DST: variants seen among roughly 807,000 people sequenced by gnomAD.
The protein encoded by DST is bullous pemphigoid antigen.
In DST, 253 loss-of-function variants were observed where a neutral mutation model predicts 875.2. That is an observed-to-expected ratio of 0.29 (90% CI 0.26 to 0.32). The LOEUF (loss-of-function observed/expected upper bound fraction) is 0.32. DST is among the 10% of genes least tolerant of loss of function. The pLI, the probability that DST is intolerant of heterozygous loss-of-function variation, is 1.00. For synonymous variants in DST, 3,124 were observed against 3,197.1 expected, an observed-to-expected ratio of 0.98 and a Z score of 0.77; for missense variants, 8,287 against 9,111.6, an observed-to-expected ratio of 0.91 and a Z score of 3.68.
rs1055863442 is a variant in DST, at chr6:56,669,287, CA to C, written c.1214+1353del. Among the ~76,000 whole-genome samples the C allele has an allele frequency of 8.3e-3, 573 of 69,374 alleles. 1 individual carries two copies. The highest frequency in any genetic ancestry group is 0.052 in the South Asian group (109 of 2,110). The allele number at this position is 69,374 out of a possible 152,430, so 45.5% of individuals were successfully genotyped here. A position where few individuals can be genotyped will look rare whatever the true frequency, so the allele number is the denominator to read the frequency against. ...CAACCTGACATAATATTTGTAAAAC[CA>C]AAAAAAAAAAAAAAAAAACTGAGGT... On this transcript the variant is annotated intron_variant, in intron 10 of 103. Coordinates refer to ENST00000680361, the MANE Select transcript of DST (RefSeq NM_001374736.1).
chr6:56,476,429 G>A, intron 91 of DST, 92 bp from the exon 92 acceptor site: 1 of 1,167,570 alleles, frequency 8.6e-7, no homozygotes, highest in Non-Finnish European at 1.2e-6. Context: ...ATGAAAATTA[G>A]GATCATCCTG....
chr6:56,886,880 T>C (rs1422222454), intron 3 of DST, among the ~76,000 whole-genome samples: 1 of 152,058 alleles, frequency 6.6e-6, no homozygotes, highest in Non-Finnish European at 1.5e-5. Flanking sequence ...TTTCCATAGA[T>C]TGATTTTTTT....
rs746310021 is a variant in DST at position 56,463,137 on chromosome 6, C to T, written c.22979G>A (p.Arg7660His). The change falls in exon 102 of 104, where the codon CGC becomes CAC. Residue 7660 changes from arginine to histidine, a missense_variant. By Grantham distance (29) the Arg-to-His change is conservative (BLOSUM62 0). Coordinates refer to ENST00000680361, the MANE Select transcript of DST (RefSeq NM_001374736.1). ...TTPKILHPLTRNYGKPWLTNS... is the reference protein window; with the variant it reads ...TTPKILHPLTHNYGKPWLTNS... ...TGTCAACCATGGTTTACCATAATTG[C>T]GTGTTAAAGGATGGAGAATCTGTAT... 11 of 1,610,642 alleles carry T rather than the reference C, an allele frequency of 6.8e-6. No homozygotes were observed. Among genetic ancestry groups the T allele is most frequent in the Middle Eastern group, 1.6e-4 (1 of 6,082 alleles).
At chr6:56,500,174 T>C (rs1367210281) in intron 80 of DST, among the ~76,000 whole-genome samples, 5 of 152,154 alleles carry the variant, frequency 3.3e-5, no homozygotes, top group African/African-American at 4.8e-5. Flanking sequence ...AATCAATATG[T>C]AAAATAATCA....
At chr6:56,595,169 C>T (rs2098350222) in intron 47 of DST, among the ~76,000 whole-genome samples, 1 of 152,160 alleles carries the variant, frequency 6.6e-6, no homozygotes, top group South Asian at 2.1e-4. Flanking sequence ...TCCCATTACC[C>T]CAGAGCCCCT....
intron 46 of DST, 133 bp downstream of exon 46, chr6:56,598,343 A>G (rs1282484283): frequency 1.7e-6 from 1 of 584,860 alleles, no homozygotes; most frequent in East Asian, 3.1e-5. Flanking sequence ...TCAATTATGT[A>G]CCTGGAAACC....
At chr6:56,748,688 CTCT>C (rs1325403757) in intron 4 of DST, among the ~76,000 whole-genome samples, 1 of 152,164 alleles carries the variant, frequency 6.6e-6, no homozygotes, top group African/African-American at 2.4e-5. Flanking sequence ...GATCATCATC[CTCT>C]TCTTATTGAT....
At chr6:56,905,089 A>G (rs189814690) in intron 2 of DST, among the ~76,000 whole-genome samples, 1 of 152,308 alleles carries the variant, frequency 6.6e-6, no homozygotes, top group Non-Finnish European at 1.5e-5. Context: ...TGCCCGGCCA[A>G]TAAGAGTTAC....
Position 56,954,398 on chromosome 6 carries a change from G to T in DST, c.181+9C>A, listed in dbSNP as rs367760336. The T allele has an allele frequency of 1.5e-4, 207 of 1,364,374 alleles. No homozygotes were observed. The highest frequency in any genetic ancestry group is 2.1e-4 in the Middle Eastern group (1 of 4,750). 84.5% of individuals were successfully genotyped at this position (1,364,374 alleles called of 1,614,324 possible). A position where few individuals can be genotyped will look rare whatever the true frequency, so the allele number is the denominator to read the frequency against. ...GTAGCCCGCAGAAACCCGTCGCGGC[G>T]TGTCTTACCTCGGCTTCTTGAACGA... On this transcript the variant is annotated intron_variant, in intron 1 of 103. Coordinates refer to ENST00000680361, the MANE Select transcript of DST (RefSeq NM_001374736.1).
At chr6:56,650,181 T>G (rs1365754625) in intron 12 of DST, among the ~76,000 whole-genome samples, 1 of 151,882 alleles carries the variant, frequency 6.6e-6, no homozygotes, top group Admixed American at 6.6e-5. Context: ...AGCTCCTAAA[T>G]CTTCAAAGTA....
chr6:56,738,158 AG>A (rs2099532928), intron 4 of DST, among the ~76,000 whole-genome samples: 1 of 152,202 alleles, frequency 6.6e-6, no homozygotes, highest in Non-Finnish European at 1.5e-5. Context: ...GAGAAAAAAA[AG>A]GTACTTATAT....
intron 36 of DST, chr6:56,614,882 T>C (rs2098597312): frequency 1.0e-6 from 1 of 993,698 alleles, no homozygotes; most frequent in Middle Eastern, 5.2e-4. Context: ...CTACTGTACA[T>C]GTAAGGAAAA....
intron 29 of DST, among the ~76,000 whole-genome samples, chr6:56,631,677 G>A (rs768129709): frequency 4.6e-5 from 7 of 152,100 alleles, no homozygotes; most frequent in Non-Finnish European, 8.8e-5. Flanking sequence ...CAATGAAGGT[G>A]AGCGTGTACA....
chr6:56,574,106 T>A (rs2097824627), intron 50 of DST, among the ~76,000 whole-genome samples: 2 of 152,196 alleles, frequency 1.3e-5, no homozygotes, highest in African/African-American at 2.4e-5. Context: ...AATCTTTTTT[T>A]AAAAGTTAAT....
intron 61 of DST, chr6:56,542,522 AACGAAGAGCTCC>A (rs1402531491): frequency 2.0e-5 from 3 of 151,922 alleles, no homozygotes; most frequent in African/African-American, 7.3e-5. Context: ...CAATTGCAGC[AACGAAGAGCTCC>A]GCGGCTTCCT....
intron 43 of DST, chr6:56,602,131 G>A (rs760298657): frequency 1.6e-5 from 4 of 249,974 alleles, no homozygotes; most frequent in Non-Finnish European, 2.4e-5. Context: ...CTGACTCTCA[G>A]GCCAGAAGCC....
At chr6:56,766,510 C>A (rs2099633682) in intron 4 of DST, among the ~76,000 whole-genome samples, 1 of 151,304 alleles carries the variant, frequency 6.6e-6, no homozygotes. Flanking sequence ...CCTTTCTCTG[C>A]AATTGCTGCG....
chr6:56,645,871 T>C lies in DST; in HGVS notation c.1773A>G (p.Val591=), dbSNP rs2098939832. 1.2e-6 allele frequency: 2 copies of C among 1,613,408 alleles called. No individual in the cohort carries two copies. The highest frequency in any genetic ancestry group is 1.1e-5 in the South Asian group (1 of 90,920). The part of the protein sequence containing the change: ...LEREKALRPE[V]ERLEMLQQIA... ...AGAAAACACCTCTGGCCTACCTTTC[T>C]ACTTCTGGACGAAGGGCCTTCTCTC... Residue 591 remains valine, a synonymous_variant, in exon 15 of 104, where the codon GTA becomes GTG. Coordinates refer to ENST00000680361, the MANE Select transcript of DST (RefSeq NM_001374736.1).
intron 2 of DST, among the ~76,000 whole-genome samples, chr6:56,941,361 T>C (rs1816460287): frequency 6.6e-6 from 1 of 152,252 alleles, no homozygotes; most frequent in African/African-American, 2.4e-5. Context: ...CTTGGAGATA[T>C]TACTGATTCC....
Sources: allele counts gnomAD v4.1 joint callset (sites outside exome capture counted in the v4.1 genomes callset), GRCh38; gene constraint gnomAD v4.1.1; transcripts MANE v1.5; gene names NCBI Gene and HGNC (gene_info 2026-07-23, HGNC 2026-07-21).